Variants in CPLX1 observed in about 807,000 individuals in gnomAD.
CPLX1 encodes complexin 1, also known as complexin-1.
In CPLX1, 6 loss-of-function variants were observed where a neutral mutation model predicts 15.6. That is an observed-to-expected ratio of 0.39 (90% CI 0.21 to 0.76). The LOEUF (loss-of-function observed/expected upper bound fraction) is 0.76. Among genes scored for constraint, CPLX1 ranks in the 30% least tolerant of loss-of-function variants. The pLI, the probability that CPLX1 is intolerant of heterozygous loss-of-function variation, is 0.43. For synonymous variants in CPLX1, 91 were observed against 75.2 expected, an observed-to-expected ratio of 1.21 and a Z score of -1.08; for missense variants, 242 against 188.6, an observed-to-expected ratio of 1.28 and a Z score of -1.66.
At chr4:814,674 G>A (rs1420728509) in intron 2 of CPLX1, among the ~76,000 whole-genome samples, 2 of 152,240 alleles carry the variant, frequency 1.3e-5, no homozygotes, top group African/African-American at 4.8e-5. Context: ...AAGAACCAGG[G>A]GCTACCCCAG....
rs1746020721 is a variant in CPLX1, at chr4:787,100, C to A, written c.208-402G>T. 7 of 985,394 alleles carry A rather than the reference C, an allele frequency of 7.1e-6. No homozygotes were observed. In the Admixed American group the frequency reaches 3.7e-4, roughly 52 times the overall value. 61.0% of individuals were successfully genotyped at this position (985,394 alleles called of 1,614,324 possible). The stretch of plus-strand genomic sequence containing the variant: ...GAGGTGGGGAGAAACAGTCAACCCG[C>A]AGCTGACCCTCCTGCCCAGTGCCTG... On this transcript the variant is annotated intron_variant, in intron 3 of 3. Transcript: ENST00000304062.
chr4:813,798 T>A (rs1746702897), intron 2 of CPLX1, among the ~76,000 whole-genome samples: 1 of 152,154 alleles, frequency 6.6e-6, no homozygotes, highest in Admixed American at 6.5e-5. Flanking sequence ...GGGCCTGACC[T>A]GTGCGGATTC....
intron 2 of CPLX1, 46 bp downstream of exon 2, chr4:824,446 C>T (rs375734137): frequency 4.5e-5 from 70 of 1,559,762 alleles, no homozygotes; most frequent in Non-Finnish European, 5.9e-5. Flanking sequence ...GTGGTGGTCT[C>T]TCCATGTCCC....
intron 3 of CPLX1, 125 bp downstream of exon 3, chr4:792,307 CA>C: frequency 2.2e-6 from 2 of 922,730 alleles, no homozygotes; most frequent in Non-Finnish European, 3.1e-6. Context: ...CTGAAGCCCC[CA>C]AAGGGTAGGA....
chr4:822,923 G>C (rs1231906617), intron 2 of CPLX1, among the ~76,000 whole-genome samples: 2 of 152,220 alleles, frequency 1.3e-5, no homozygotes, highest in African/African-American at 4.8e-5. Flanking sequence ...CACTCAGCGT[G>C]GAGCCCCCCC....
chr4:809,159 C>T (rs535608710), intron 2 of CPLX1, among the ~76,000 whole-genome samples: 5 of 152,358 alleles, frequency 3.3e-5, no homozygotes, highest in East Asian at 3.9e-4. Context: ...TATTCAAACA[C>T]GATTATGCTC....
rs565910488 is a variant in CPLX1, at chr4:810,080, C to T, written c.31+14412G>A. Among the ~76,000 whole-genome samples, 5 of 137,802 alleles carry T rather than the reference C, an allele frequency of 3.6e-5. No homozygotes were observed. In the Admixed American group the frequency reaches 3.9e-4, roughly 11 times the overall value. The allele number at this position is 137,802 out of a possible 152,430, so 90.4% of individuals were successfully genotyped here. A position where few individuals can be genotyped will look rare whatever the true frequency, so the allele number is the denominator to read the frequency against. On this transcript the variant is annotated intron_variant, in intron 2 of 3. Coordinates refer to ENST00000304062, the MANE Select transcript of CPLX1 (RefSeq NM_006651.4). The stretch of plus-strand genomic sequence containing the variant: ...TTTTTTTTTTTTTGAGATGGAGTCT[C>T]GCTTCGTTGCCCAGGCTGGAGTGCA...
intron 2 of CPLX1, among the ~76,000 whole-genome samples, chr4:822,120 T>C (rs919581058): frequency 6.8e-6 from 1 of 147,508 alleles, no homozygotes; most frequent in Non-Finnish European, 1.5e-5. Flanking sequence ...TCTGTCTCTG[T>C]CTCTCCCTCT....
At chr4:798,968 A>G (rs897860480) in intron 2 of CPLX1, among the ~76,000 whole-genome samples, 7 of 152,242 alleles carry the variant, frequency 4.6e-5, no homozygotes, top group Non-Finnish European at 8.8e-5. Flanking sequence ...CATCAACATT[A>G]AACATTTTTG....
At chr4:808,874 A>G (rs1360839621) in intron 2 of CPLX1, among the ~76,000 whole-genome samples, 1 of 152,286 alleles carries the variant, frequency 6.6e-6, no homozygotes, top group Non-Finnish European at 1.5e-5. Flanking sequence ...CAAGAAACAG[A>G]TAATTCCAAT....
intron 2 of CPLX1, among the ~76,000 whole-genome samples, chr4:817,391 TAAA>T (rs56378964): frequency 1.6e-5 from 2 of 126,768 alleles, no homozygotes; most frequent in East Asian, 2.2e-4. Flanking sequence ...CCGTCTCTAC[TAAA>T]AAAAAAAAAA....
chr4:792,815 G>C (rs535299854), intron 2 of CPLX1: 5 of 558,386 alleles, frequency 9.0e-6, no homozygotes, highest in Non-Finnish European at 1.6e-5. Flanking sequence ...CAGTGTGCTG[G>C]GGTCTCCTGC....
intron 2 of CPLX1, among the ~76,000 whole-genome samples, chr4:818,417 G>A (rs754478312): frequency 1.8e-4 from 27 of 152,376 alleles, no homozygotes; most frequent in Middle Eastern, 3.4e-3. Flanking sequence ...ACAGGTCCCC[G>A]GGCCCAGCGT....
At chr4:805,096 G>T (rs1746531039) in intron 2 of CPLX1, among the ~76,000 whole-genome samples, 1 of 152,234 alleles carries the variant, frequency 6.6e-6, no homozygotes, top group South Asian at 2.1e-4. Context: ...GTGGCCATAC[G>T]CCCATCGCAC....
intron 2 of CPLX1, among the ~76,000 whole-genome samples, chr4:810,284 C>T (rs1001161958): frequency 1.1e-4 from 16 of 152,074 alleles, no homozygotes; most frequent in Non-Finnish European, 2.2e-4. Flanking sequence ...CTCCTGACCT[C>T]GTGATCCACC....
intron 3 of CPLX1, chr4:788,279 A>T (rs1746062013): frequency 1.0e-6 from 1 of 984,744 alleles, no homozygotes. Flanking sequence ...GTGCTCCCCA[A>T]CCCCACCGAG....
chr4:789,508 G>C (rs902358000), intron 3 of CPLX1, among the ~76,000 whole-genome samples: 1 of 152,218 alleles, frequency 6.6e-6, no homozygotes, highest in East Asian at 1.9e-4. Flanking sequence ...TGGGAGCTGC[G>C]GGGGGTAGGG....
chr4:824,470 C>G lies in CPLX1; in HGVS notation c.31+22G>C, dbSNP rs201696771. ...TCTCCATGTCCCCTCAGCCCCTCCCCACCCCACCTCCCGCTTCCTACCTCC... is the reference window on the plus strand; with the variant it reads ...TCTCCATGTCCCCTCAGCCCCTCCCGACCCCACCTCCCGCTTCCTACCTCC... On this transcript the variant is annotated intron_variant, in intron 2 of 3. Coordinates refer to ENST00000304062, the MANE Select transcript of CPLX1 (RefSeq NM_006651.4). The G allele has an allele frequency of 1.2e-5, 19 of 1,609,200 alleles. No individual in the cohort carries two copies. In the East Asian group the frequency reaches 4.2e-4, roughly 36 times the overall value.
chr4:787,508 C>T, intron 3 of CPLX1: 4 of 673,022 alleles, frequency 5.9e-6, no homozygotes, highest in Non-Finnish European at 7.3e-6. Flanking sequence ...ATTTGAGGGG[C>T]CTCAAGTCCA....
Sources: allele counts gnomAD v4.1 joint callset (sites outside exome capture counted in the v4.1 genomes callset), GRCh38; gene constraint gnomAD v4.1.1; transcripts MANE v1.5; gene names NCBI Gene and HGNC (gene_info 2026-07-23, HGNC 2026-07-21).